GPC6: variants seen among roughly 807,000 people sequenced by gnomAD.
GPC6 encodes glypican 6.
Under a neutral mutation model 55.2 loss-of-function variants are expected in GPC6, and 14 were observed. The observed-to-expected ratio is 0.25, with a 90% CI of 0.17 to 0.40. The LOEUF (loss-of-function observed/expected upper bound fraction) is 0.40. Among genes scored for constraint, GPC6 ranks in the 10% least tolerant of loss-of-function variants. GPC6 has a pLI of 1.00. For missense variants in GPC6, 641 were observed against 708.5 expected, an observed-to-expected ratio of 0.90 and a Z score of 1.08; for synonymous variants, 278 against 259.6, an observed-to-expected ratio of 1.07 and a Z score of -0.68.
At chr13:93,340,609 A>G (rs889374485) in intron 1 of GPC6, among the ~76,000 whole-genome samples, 2 of 152,122 alleles carry the variant, frequency 1.3e-5, no homozygotes, top group Non-Finnish European at 2.9e-5. Flanking sequence ...GATGGAAGGA[A>G]GCACAAAGGT....
At chr13:93,660,530 A>C (rs564775698) in intron 2 of GPC6, among the ~76,000 whole-genome samples, 4 of 152,340 alleles carry the variant, frequency 2.6e-5, no homozygotes, top group African/African-American at 9.6e-5. Flanking sequence ...TAAAAAAATC[A>C]TGGACCTATG....
chr13:93,800,789 G>A (rs1227985278), intron 2 of GPC6, among the ~76,000 whole-genome samples: 3 of 152,136 alleles, frequency 2.0e-5, no homozygotes, highest in Non-Finnish European at 2.9e-5. Context: ...TCCTATCAGT[G>A]TGAACATCAA....
intron 3 of GPC6, among the ~76,000 whole-genome samples, chr13:93,966,529 A>G (rs1458941441): frequency 6.6e-6 from 1 of 152,208 alleles, no homozygotes; most frequent in African/African-American, 2.4e-5. Flanking sequence ...TAACAAAAGT[A>G]TAAGCAACTT....
At chr13:93,408,380 GA>G (rs1234980685) in intron 1 of GPC6, among the ~76,000 whole-genome samples, 1 of 152,142 alleles carries the variant, frequency 6.6e-6, no homozygotes, top group African/African-American at 2.4e-5. Context: ...GGAGACATGA[GA>G]AAAAGAAGTC....
chr13:93,922,147 A>G (rs1877609929), intron 3 of GPC6, among the ~76,000 whole-genome samples: 1 of 152,168 alleles, frequency 6.6e-6, no homozygotes, highest in South Asian at 2.1e-4. Flanking sequence ...GGAAAGAGAT[A>G]GAGTATTAAC....
intron 3 of GPC6, among the ~76,000 whole-genome samples, chr13:93,944,175 TTTATTTA>T (rs1288516202): frequency 3.4e-3 from 22 of 6,398 alleles, no homozygotes; most frequent in Non-Finnish European, 8.7e-3. Flanking sequence ...TTTTATTTTA[TTTATTTA>T]TTTATTTATT....
At chr13:93,730,045 T>A (rs1163109025) in intron 2 of GPC6, among the ~76,000 whole-genome samples, 2 of 152,188 alleles carry the variant, frequency 1.3e-5, no homozygotes, top group African/African-American at 4.8e-5. Context: ...TTCTGCTTCT[T>A]GCCCTGGGTG....
chr13:93,306,011 T>C (rs1185832120), intron 1 of GPC6, among the ~76,000 whole-genome samples: 1 of 152,192 alleles, frequency 6.6e-6, no homozygotes, highest in Non-Finnish European at 1.5e-5. Flanking sequence ...TGTAAATGAA[T>C]GGAGGGTTAG....
chr13:93,924,900 A>G (rs1312038084), intron 3 of GPC6, among the ~76,000 whole-genome samples: 2 of 152,158 alleles, frequency 1.3e-5, no homozygotes, highest in Non-Finnish European at 2.9e-5. Context: ...ATGTATATGT[A>G]CTGTGAAATG....
At chr13:93,418,844 C>T (rs567030293) in intron 1 of GPC6, among the ~76,000 whole-genome samples, 8 of 148,832 alleles carry the variant, frequency 5.4e-5, no homozygotes, top group South Asian at 2.1e-4. Context: ...GGCACTATAC[C>T]GTAGCATCAC....
At chr13:94,300,123 G>T (rs996135466) in intron 5 of GPC6, among the ~76,000 whole-genome samples, 1 of 152,078 alleles carries the variant, frequency 6.6e-6, no homozygotes, top group African/African-American at 2.4e-5. Context: ...CCCCCATTAT[G>T]GAAACCTGCT....
At chr13:94,242,139 A>G (rs928993206) in intron 4 of GPC6, among the ~76,000 whole-genome samples, 2 of 151,770 alleles carry the variant, frequency 1.3e-5, no homozygotes, top group African/African-American at 4.8e-5. Context: ...TCATTATTCA[A>G]TCCCCACCTA....
intron 1 of GPC6, among the ~76,000 whole-genome samples, chr13:93,381,505 G>A (rs1392254962): frequency 3.9e-5 from 6 of 152,024 alleles, no homozygotes; most frequent in Non-Finnish European, 2.9e-5. Context: ...TCATATTCAG[G>A]TCTCTGAAAT....
At chr13:94,038,805 A>G (rs1319806450) in intron 4 of GPC6, among the ~76,000 whole-genome samples, 2 of 151,940 alleles carry the variant, frequency 1.3e-5, no homozygotes, top group African/African-American at 4.8e-5. Flanking sequence ...AGAGTAAGCA[A>G]GCAGGTAGGA....
rs1883097104 is a variant in GPC6, at chr13:93,712,333, A to G, written c.320-117821A>G. 4.0e-5 allele frequency among the ~76,000 whole-genome samples: 6 copies of G among 151,754 alleles called. No individual in the cohort carries two copies. In the South Asian group the frequency reaches 1.2e-3, roughly 31 times the overall value. ...TAAAAACTATCATAATAGGGCAATC[A>G]TATGAAATATAAAACATTGAACCCC... On this transcript the variant is annotated intron_variant, in intron 2 of 8. Coordinates refer to ENST00000377047, the MANE Select transcript of GPC6 (RefSeq NM_005708.5).
At chr13:93,971,029 A>C (rs762753660) in intron 3 of GPC6, among the ~76,000 whole-genome samples, 30 of 152,242 alleles carry the variant, frequency 2.0e-4, no homozygotes, top group Non-Finnish European at 3.8e-4. Flanking sequence ...TAGATTTCTC[A>C]TAAGGCAACT....
At chr13:93,612,467 C>T (rs1002763195) in intron 2 of GPC6, among the ~76,000 whole-genome samples, 1 of 149,714 alleles carries the variant, frequency 6.7e-6, no homozygotes, top group African/African-American at 2.5e-5. Flanking sequence ...CCACTGCACT[C>T]CAGCCTGGGC....
intron 4 of GPC6, among the ~76,000 whole-genome samples, chr13:94,038,602 C>A (rs1232502001): frequency 6.6e-6 from 1 of 151,926 alleles, no homozygotes; most frequent in East Asian, 1.9e-4. Flanking sequence ...GCATAAATCT[C>A]AGTTTTCTCA....
At chr13:93,286,815 T>A (rs1041784243) in intron 1 of GPC6, among the ~76,000 whole-genome samples, 2 of 152,072 alleles carry the variant, frequency 1.3e-5, no homozygotes, top group African/African-American at 2.4e-5. Flanking sequence ...CTTTTCTCCC[T>A]TCCTTCTTTC....
Sources: gnomAD v4.1 joint callset for allele counts (sites outside exome capture counted in the v4.1 genomes callset) on GRCh38, gnomAD v4.1.1 for gene constraint, MANE v1.5 for transcripts, NCBI Gene and HGNC (gene_info 2026-07-23, HGNC 2026-07-21) for gene names.